FILIP1: variants seen among roughly 807,000 people sequenced by gnomAD.
FILIP1 encodes the protein filamin A interacting protein 1.
Under a neutral mutation model 102.1 loss-of-function variants are expected in FILIP1, and 61 were observed. The observed-to-expected ratio is 0.60, with a 90% CI of 0.49 to 0.74. The LOEUF is 0.74. Among genes scored for constraint, FILIP1 ranks in the 30% least tolerant of loss-of-function variants. FILIP1 has a pLI of 0.00. For synonymous variants in FILIP1, 491 were observed against 526.9 expected, an observed-to-expected ratio of 0.93 and a Z score of 0.93; for missense variants, 1,314 against 1,441.2, an observed-to-expected ratio of 0.91 and a Z score of 1.43.
chr6:75,487,593 C>A (rs1779828739), intron 1 of FILIP1, among the ~76,000 whole-genome samples: 1 of 150,714 alleles, frequency 6.6e-6, no homozygotes, highest in Non-Finnish European at 1.5e-5. Flanking sequence ...TTGCATAGAT[C>A]TTTTAGATAA....
chr6:75,431,050 G>C (rs1246278648), intron 1 of FILIP1, among the ~76,000 whole-genome samples: 2 of 152,182 alleles, frequency 1.3e-5, no homozygotes, highest in African/African-American at 2.4e-5. Context: ...ACTACACTCT[G>C]AGTTTGCATG....
At chr6:75,326,124 T>C (rs1370212359) in intron 4 of FILIP1, among the ~76,000 whole-genome samples, 1 of 139,614 alleles carries the variant, frequency 7.2e-6, no homozygotes, top group Non-Finnish European at 1.6e-5. Flanking sequence ...GATAGATAGA[T>C]ATACACACAC....
chr6:75,314,213 A>C lies in FILIP1; in HGVS notation c.1619T>G (p.Val540Gly). The C allele has an allele frequency of 6.4e-7, 1 of 1,561,292 alleles. No homozygotes were observed. Among genetic ancestry groups the C allele is most frequent in the Non-Finnish European group, 8.6e-7 (1 of 1,164,450 alleles). ...NKNFKVEQGKVMDVTEKLIEE... is the reference protein window; with the variant it reads ...NKNFKVEQGKGMDVTEKLIEE... ...AATTAGTTTTTCAGTTACATCCATA[A>C]CTTTTCCTTGTTCCACCTTAAAATT... The change falls in exon 5 of 6, where the codon GTT becomes GGT. Residue 540 changes from valine (V) to glycine (G), a missense_variant. Val to Gly is a moderately radical substitution (Grantham distance 109). This residue lies in a region of FILIP1 where 816 missense variants were observed against 913.1 expected (regional missense o/e 0.89). Coordinates refer to ENST00000237172, the MANE Select transcript of FILIP1 (RefSeq NM_015687.5).
intron 1 of FILIP1, among the ~76,000 whole-genome samples, chr6:75,464,097 C>T (rs1455368732): frequency 6.6e-6 from 1 of 152,244 alleles, no homozygotes; most frequent in African/African-American, 2.4e-5. Flanking sequence ...CTTAAGAATC[C>T]AAGACATCAG....
At chr6:75,442,760 G>C (rs1253202070) in intron 1 of FILIP1, among the ~76,000 whole-genome samples, 4 of 152,144 alleles carry the variant, frequency 2.6e-5, no homozygotes, top group Admixed American at 2.6e-4. Context: ...GGGAGAGGGA[G>C]AGGGGGAGGG....
At chr6:75,422,138 C>G (rs1777490662) in intron 1 of FILIP1, among the ~76,000 whole-genome samples, 1 of 152,028 alleles carries the variant, frequency 6.6e-6, no homozygotes. Flanking sequence ...ATAATTTTTT[C>G]TGGCATTTTC....
At chr6:75,301,884 G>C (rs1318759821) in intron 6 of FILIP1, among the ~76,000 whole-genome samples, 1 of 152,116 alleles carries the variant, frequency 6.6e-6, no homozygotes, top group South Asian at 2.1e-4. Context: ...TATTCACCCT[G>C]ATATCTATCC....
intron 4 of FILIP1, among the ~76,000 whole-genome samples, chr6:75,327,133 C>G (rs1456817565): frequency 1.3e-5 from 2 of 152,206 alleles, no homozygotes. Context: ...CCAACCACAT[C>G]TTCCTCAAAT....
intron 1 of FILIP1, among the ~76,000 whole-genome samples, chr6:75,433,093 T>C (rs1174482137): frequency 1.3e-5 from 2 of 152,202 alleles, no homozygotes; most frequent in East Asian, 3.9e-4. Context: ...GACATTTGGG[T>C]TGGTTCCAAG....
intron 6 of FILIP1, among the ~76,000 whole-genome samples, chr6:75,301,793 GAA>G (rs796207684): frequency 4.3e-4 from 66 of 152,290 alleles, no homozygotes; most frequent in African/African-American, 1.5e-3. Flanking sequence ...TTTGGTGGTA[GAA>G]AAGAGTATGG....
At chr6:75,426,923 T>C in intron 1 of FILIP1, among the ~76,000 whole-genome samples, 1 of 152,068 alleles carries the variant, frequency 6.6e-6, no homozygotes, top group Non-Finnish European at 1.5e-5. Flanking sequence ...ACCCTCCAAA[T>C]TATGTAACCA....
chr6:75,298,801 C>T (rs1241164808), intron 6 of FILIP1, among the ~76,000 whole-genome samples: 1 of 151,918 alleles, frequency 6.6e-6, no homozygotes. Context: ...ACCTGTAATC[C>T]CAGTTACTCT....
At chr6:75,336,047 A>G (rs988798811) in intron 4 of FILIP1, among the ~76,000 whole-genome samples, 1 of 152,186 alleles carries the variant, frequency 6.6e-6, no homozygotes, top group Non-Finnish European at 1.5e-5. Context: ...GTTAAGGTAA[A>G]ATTACAGATA....
At chr6:75,343,184 A>G (rs1774471236) in intron 4 of FILIP1, among the ~76,000 whole-genome samples, 1 of 152,240 alleles carries the variant, frequency 6.6e-6, no homozygotes, top group African/African-American at 2.4e-5. Context: ...CACAGGGAGA[A>G]GCCAGCCATC....
At chr6:75,441,933 G>T (rs1228134084) in intron 1 of FILIP1, among the ~76,000 whole-genome samples, 2 of 149,884 alleles carry the variant, frequency 1.3e-5, no homozygotes, top group Non-Finnish European at 3.0e-5. Flanking sequence ...CGGGCGGGGG[G>T]CTGACCCCCA....
At chr6:75,483,598 TGAG>T (rs1345833756) in intron 1 of FILIP1, among the ~76,000 whole-genome samples, 4 of 152,168 alleles carry the variant, frequency 2.6e-5, no homozygotes, top group East Asian at 1.9e-4. Flanking sequence ...AACAAAATCT[TGAG>T]GAGAATAGGT....
At chr6:75,414,391 A>G (rs1777180787) in intron 2 of FILIP1, among the ~76,000 whole-genome samples, 1 of 152,116 alleles carries the variant, frequency 6.6e-6, no homozygotes, top group Non-Finnish European at 1.5e-5. Flanking sequence ...TCTAAATTAG[A>G]TAACCTAATT....
intron 4 of FILIP1, among the ~76,000 whole-genome samples, chr6:75,348,243 CTGA>C (rs1173437544): frequency 6.6e-6 from 1 of 152,176 alleles, no homozygotes; most frequent in Non-Finnish European, 1.5e-5. Flanking sequence ...AGCACAGACT[CTGA>C]AGGTGATCTC....
At chr6:75,406,254 G>C (rs997956640) in intron 2 of FILIP1, among the ~76,000 whole-genome samples, 1 of 152,042 alleles carries the variant, frequency 6.6e-6, no homozygotes, top group Non-Finnish European at 1.5e-5. Flanking sequence ...TGGAGGTGTC[G>C]TTTTACCTCC....
Sources: gnomAD v4.1 joint callset for allele counts (sites outside exome capture counted in the v4.1 genomes callset) on GRCh38, gnomAD v4.1.1 for gene constraint, gnomAD v4.1.1 regional missense constraint, MANE v1.5 for transcripts, NCBI Gene and HGNC (gene_info 2026-07-23, HGNC 2026-07-21) for gene names.